Variants in AKR1D1 observed in about 807,000 individuals in gnomAD.
AKR1D1 encodes delta(4)-3-ketosteroid 5-beta-reductase.
A neutral mutation model predicts 42.6 loss-of-function variants in AKR1D1; 32 were observed. That is an observed-to-expected ratio of 0.75 (90% CI 0.57 to 1.01). The LOEUF is 1.01. AKR1D1 is among the 50% of genes least tolerant of loss of function. The pLI, the probability that AKR1D1 is intolerant of heterozygous loss-of-function variation, is 0.00. For missense variants in AKR1D1, 364 were observed against 402.2 expected, an observed-to-expected ratio of 0.91 and a Z score of 0.81; for synonymous variants, 123 against 135.5, an observed-to-expected ratio of 0.91 and a Z score of 0.64.
intron 3 of AKR1D1, 38 bp from the exon 4 acceptor site, chr7:138,097,827 TA>T: frequency 1.4e-6 from 2 of 1,443,144 alleles, no homozygotes; most frequent in African/African-American, 1.5e-5. Context: ...CAGATATAAA[TA>T]AAATGAATTA....
At chr7:138,097,584 A>G (rs1396627941) in intron 3 of AKR1D1, among the ~76,000 whole-genome samples, 1 of 152,226 alleles carries the variant, frequency 6.6e-6, no homozygotes, top group Non-Finnish European at 1.5e-5. Flanking sequence ...GAGTAGATAC[A>G]CAAGTCCCAG....
chr7:138,105,182 TCGCAAGATGC>T, intron 4 of AKR1D1, 115 bp from the exon 5 acceptor site: 6 of 1,362,576 alleles, frequency 4.4e-6, no homozygotes, highest in African/African-American at 2.9e-5. Flanking sequence ...TTACTTTTTT[TCGCAAGATGC>T]TTATTAACAT....
rs560693253 is a variant in AKR1D1 at position 138,117,655 on chromosome 7, A to G, written c.*993A>G. On this transcript the variant is annotated 3_prime_UTR_variant, in exon 9 of 9. Transcript: ENST00000242375. ...ACTCTGGTAATTTTCCTGTATGTAC[A>G]ATTTAAAGAGTGAATAAGATTATTA... is the stretch of plus-strand genomic sequence containing the variant. 5 of 152,362 alleles carry G rather than the reference A, an allele frequency of 3.3e-5. No individual in the cohort carries two copies. Among genetic ancestry groups the G allele is most frequent in the Admixed American group, 6.5e-5 (1 of 15,300 alleles). The allele number at this position is 152,362 out of a possible 1,614,324, so 9.4% of individuals were successfully genotyped here.
intron 4 of AKR1D1, among the ~76,000 whole-genome samples, chr7:138,102,850 G>A (rs1038601421): frequency 5.3e-5 from 8 of 151,886 alleles, no homozygotes; most frequent in African/African-American, 7.2e-5. Flanking sequence ...CAGTGATGTC[G>A]GGTTGTTAGC....
At chr7:138,107,393 T>C (rs777532876) in intron 6 of AKR1D1, 22 bp from the exon 7 acceptor site, 1 of 1,612,668 alleles carries the variant, frequency 6.2e-7, no homozygotes, top group Non-Finnish European at 8.5e-7. Flanking sequence ...CTAATTATGA[T>C]GCATGTTTTG....
At chr7:138,094,637 T>A (rs950367285) in intron 3 of AKR1D1, among the ~76,000 whole-genome samples, 3 of 152,020 alleles carry the variant, frequency 2.0e-5, no homozygotes, top group African/African-American at 7.2e-5. Context: ...TGCCTCAGCC[T>A]CCCAAGTAGC....
Position 138,081,508 on chromosome 7 carries a change from T to C in AKR1D1, c.93+4897T>C, listed in dbSNP as rs1005214949. 7.6e-4 allele frequency among the ~76,000 whole-genome samples: 7 copies of C among 9,216 alleles called. No homozygotes were observed. In the South Asian group the frequency reaches 0.045, roughly 60 times the overall value. 6.0% of individuals were successfully genotyped at this position (9,216 alleles called of 152,430 possible). A position where few individuals can be genotyped will look rare whatever the true frequency, so the allele number is the denominator to read the frequency against. ...CAAAATATAAAAGGAACTCCTACCT[T>C]TTTTTTTTTTTTTTTTTTTTTTTTT... On this transcript the variant is annotated intron_variant, in intron 1 of 8. Transcript: ENST00000242375.
intron 4 of AKR1D1, among the ~76,000 whole-genome samples, chr7:138,103,163 G>A (rs1319037326): frequency 6.6e-6 from 1 of 152,028 alleles, no homozygotes; most frequent in Non-Finnish European, 1.5e-5. Context: ...GCCACATAAA[G>A]ACTCACACTG....
intron 1 of AKR1D1, among the ~76,000 whole-genome samples, chr7:138,076,816 A>C (rs1802948405): frequency 6.6e-6 from 1 of 152,218 alleles, no homozygotes; most frequent in Non-Finnish European, 1.5e-5. Flanking sequence ...CATGATTAAA[A>C]ATTAGTTTGG....
At position 138,105,708 on chromosome 7, in the gene AKR1D1, G is replaced by A. The variant is rs181450704; in HGVS notation, c.579+279G>A. Among the ~76,000 whole-genome samples, 98 of 152,246 alleles carry A rather than the reference G, an allele frequency of 6.4e-4. 1 individual carries two copies. The highest frequency in any genetic ancestry group is 5.0e-3 in the Admixed American group (76 of 15,302). ...TTGAGACCAGCCTGACCAACATGGT[G>A]AAACCCCGTCTGTACTAAAAATACA... On this transcript the variant is annotated intron_variant, in intron 5 of 8. Transcript: ENST00000242375.
At chr7:138,104,604 T>C (rs1175189048) in intron 4 of AKR1D1, among the ~76,000 whole-genome samples, 1 of 148,098 alleles carries the variant, frequency 6.8e-6, no homozygotes, top group African/African-American at 2.5e-5. Flanking sequence ...GGCTTGAACC[T>C]GCGAGACAGA....
At chr7:138,114,616 T>C (rs9642093) in intron 8 of AKR1D1, among the ~76,000 whole-genome samples, 117,952 of 144,978 alleles carry the variant, frequency 0.81, 48,300 homozygotes, top group African/African-American at 0.91. Flanking sequence ...GCCGAGATCA[T>C]GCCATTGCAC....
intron 1 of AKR1D1, among the ~76,000 whole-genome samples, chr7:138,083,321 G>A (rs940164509): frequency 6.6e-6 from 1 of 152,048 alleles, no homozygotes. Context: ...TATACCTATT[G>A]GCCATTTGTA....
chr7:138,097,380 A>C (rs143835281), intron 3 of AKR1D1, among the ~76,000 whole-genome samples: 1 of 152,380 alleles, frequency 6.6e-6, no homozygotes, highest in East Asian at 1.9e-4. Context: ...GGTTAAGCAG[A>C]TGTGAGGTAG....
intron 8 of AKR1D1, among the ~76,000 whole-genome samples, chr7:138,114,685 T>C (rs868382018): frequency 1.4e-5 from 2 of 147,284 alleles, no homozygotes; most frequent in South Asian, 4.3e-4. Context: ...AAAAAGAATA[T>C]ATTTGCTATA....
intron 7 of AKR1D1, among the ~76,000 whole-genome samples, chr7:138,112,604 G>A (rs1794556116): frequency 6.6e-6 from 1 of 152,132 alleles, no homozygotes; most frequent in South Asian, 2.1e-4. Flanking sequence ...AGGGAAATAA[G>A]AATGGGGTGA....
intron 2 of AKR1D1, 102 bp from the exon 3 acceptor site, chr7:138,091,665 CA>C (rs112737566): frequency 0.017 from 12,957 of 750,142 alleles, 2 homozygotes; most frequent in Admixed American, 0.028. Flanking sequence ...CCCCCCATCT[CA>C]AAAAAAAAAA....
chr7:138,102,833 C>T (rs113573860), intron 4 of AKR1D1, among the ~76,000 whole-genome samples: 3,493 of 152,042 alleles, frequency 0.023, 83 homozygotes, highest in South Asian at 0.062. Flanking sequence ...CTTCCTAACT[C>T]CACATTCAGT....
Position 138,107,546 on chromosome 7 carries a change from G to C in AKR1D1, c.821G>C (p.Ser274Thr). Reference sequence around the variant, plus strand: ...CGAGGGGTGGTTGTCATTCCTAAAAGCTTTAATCTTGAAAGGATCAAAGAA... The same window carrying C: ...CGAGGGGTGGTTGTCATTCCTAAAACCTTTAATCTTGAAAGGATCAAAGAA... ...IQRGVVVIPKSFNLERIKENF... is the reference protein window; with the variant it reads ...IQRGVVVIPKTFNLERIKENF... Residue 274 changes from serine to threonine, a missense_variant, in exon 7 of 9, where the codon AGC becomes ACC. By Grantham distance (58) the Ser-to-Thr change is moderately conservative. Transcript: ENST00000242375. 1 of 1,614,064 alleles carries C rather than the reference G, an allele frequency of 6.2e-7. No individual in the cohort carries two copies.
Sources: allele counts gnomAD v4.1 joint callset (sites outside exome capture counted in the v4.1 genomes callset), GRCh38; gene constraint gnomAD v4.1.1; transcripts MANE v1.5; gene names NCBI Gene and HGNC (gene_info 2026-07-23, HGNC 2026-07-21).